The following KIAA1328 variants were observed in gnomAD, a reference collection of about 807,000 sequenced individuals.
KIAA1328 encodes protein hinderin.
In KIAA1328, 52 loss-of-function variants were observed where a neutral mutation model predicts 68.1. The ratio of observed to expected loss-of-function variants is 0.76; its 90% CI spans 0.61 to 0.96. The LOEUF is 0.96. Ranked by LOEUF, KIAA1328 falls within the 40% of genes least tolerant of loss-of-function variation. The pLI is 0.00. For synonymous variants in KIAA1328, 232 were observed against 239.4 expected, an observed-to-expected ratio of 0.97 and a Z score of 0.28; for missense variants, 641 against 677.6, an observed-to-expected ratio of 0.95 and a Z score of 0.60.
At chr18:37,106,970 G>A (rs577218486) in intron 7 of KIAA1328, among the ~76,000 whole-genome samples, 194 of 152,310 alleles carry the variant, frequency 1.3e-3, no homozygotes, top group Non-Finnish European at 2.3e-3. Flanking sequence ...TTGGCCAGGT[G>A]CAGTAGCTCA....
chr18:36,939,980 A>C (rs1471554791), intron 5 of KIAA1328, among the ~76,000 whole-genome samples: 1 of 150,388 alleles, frequency 6.6e-6, no homozygotes. Context: ...TTTATCTCAG[A>C]TATCTTTTGA....
Position 37,150,574 on chromosome 18 carries a change from G to GA in KIAA1328, c.1233-9615dup, listed in dbSNP as rs528123508. Among the ~76,000 whole-genome samples, 650 of 135,226 alleles carry GA rather than the reference G, an allele frequency of 4.8e-3. 21 individuals carry two copies. In the East Asian group the frequency reaches 0.091, roughly 19 times the overall value. 88.7% of individuals were successfully genotyped at this position (135,226 alleles called of 152,430 possible). A position where few individuals can be genotyped will look rare whatever the true frequency, so the allele number is the denominator to read the frequency against. ...ACATAAATTCATGGACACAAATGCA[G>GA]AAAAAAAAAAACCCCACAAAAAAAT... is the stretch of plus-strand genomic sequence containing the variant. On this transcript the variant is annotated intron_variant, in intron 7 of 9. Coordinates refer to ENST00000280020, the MANE Select transcript of KIAA1328 (RefSeq NM_020776.3).
chr18:36,849,618 C>A (rs1025105497), intron 4 of KIAA1328, among the ~76,000 whole-genome samples: 1 of 152,030 alleles, frequency 6.6e-6, no homozygotes, highest in African/African-American at 2.4e-5. Flanking sequence ...TTTATCCATT[C>A]ATACTTTGAT....
chr18:36,864,867 T>C (rs1220945647), intron 4 of KIAA1328, among the ~76,000 whole-genome samples: 1 of 152,054 alleles, frequency 6.6e-6, no homozygotes, highest in Non-Finnish European at 1.5e-5. Context: ...ATTGTTTCTT[T>C]TTTTAAAGCT....
intron 7 of KIAA1328, among the ~76,000 whole-genome samples, chr18:37,133,049 T>C (rs931642177): frequency 6.6e-6 from 1 of 152,056 alleles, no homozygotes; most frequent in Non-Finnish European, 1.5e-5. Flanking sequence ...AAACTAGCAA[T>C]GGTGGCCAGG....
rs1328341816 is a variant in KIAA1328, at chr18:37,066,906, G to T, written c.593G>T (p.Ser198Ile). Residue 198 changes from serine to isoleucine, a missense_variant, in exon 7 of 10, where the codon AGC becomes ATC. Transcript: ENST00000280020. ...MQEQQVSSRK[S>I]TLQCSSVELD... ...TCTTTCTAGGTATCCAGTAGAAAAA[G>T]CACTCTCCAGTGTTCATCTGTGGAA... 6.9e-6 allele frequency: 11 copies of T among 1,591,100 alleles called. No homozygotes were observed. Among genetic ancestry groups the T allele is most frequent in the Non-Finnish European group, 9.4e-6 (11 of 1,168,530 alleles).
At chr18:37,139,161 C>T (rs1399011058) in intron 7 of KIAA1328, among the ~76,000 whole-genome samples, 1 of 151,862 alleles carries the variant, frequency 6.6e-6, no homozygotes, top group Non-Finnish European at 1.5e-5. Flanking sequence ...GACGGGGTTT[C>T]ACCTTGTTAG....
chr18:37,058,421 TAAAC>T (rs927610584), intron 6 of KIAA1328, among the ~76,000 whole-genome samples: 5 of 151,980 alleles, frequency 3.3e-5, no homozygotes, highest in African/African-American at 4.8e-5. Flanking sequence ...ACTTAAAAAA[TAAAC>T]AAGTAGGCTG....
intron 5 of KIAA1328, among the ~76,000 whole-genome samples, chr18:36,918,181 A>C (rs2049781036): frequency 1.3e-5 from 2 of 151,404 alleles, no homozygotes; most frequent in Non-Finnish European, 2.9e-5. Flanking sequence ...CCTTTTTTGT[A>C]TCCAATCAGT....
intron 7 of KIAA1328, among the ~76,000 whole-genome samples, chr18:37,124,001 G>A (rs1212556441): frequency 6.6e-6 from 1 of 152,116 alleles, no homozygotes; most frequent in African/African-American, 2.4e-5. Context: ...ATTTAAGAGA[G>A]AGATTCTGTA....
rs530340618 is a variant in KIAA1328 at position 36,987,495 on chromosome 18, T to A, written c.576+28060T>A. 3.2e-3 allele frequency among the ~76,000 whole-genome samples: 193 copies of A among 60,732 alleles called. 2 individuals carry two copies. In the South Asian group the frequency reaches 0.096, roughly 30 times the overall value. 39.8% of individuals were successfully genotyped at this position (60,732 alleles called of 152,430 possible). On this transcript the variant is annotated intron_variant, in intron 6 of 9. Transcript: ENST00000280020. ...AAACTTAGAGTATAATAAAAAAAAA[T>A]AAATAAATAAATAAAAATAAAAAAA...
chr18:36,843,887 GT>G (rs1479992940), intron 3 of KIAA1328, among the ~76,000 whole-genome samples: 1 of 152,128 alleles, frequency 6.6e-6, no homozygotes, highest in African/African-American at 2.4e-5. Flanking sequence ...TGTAATAACA[GT>G]TCTCAGTATC....
At chr18:37,114,501 T>G (rs2058043023) in intron 7 of KIAA1328, among the ~76,000 whole-genome samples, 1 of 152,160 alleles carries the variant, frequency 6.6e-6, no homozygotes, top group Non-Finnish European at 1.5e-5. Context: ...CTGGGACACA[T>G]TTAAAGCAGT....
At chr18:37,063,051 T>A (rs997385377) in intron 6 of KIAA1328, among the ~76,000 whole-genome samples, 2 of 151,834 alleles carry the variant, frequency 1.3e-5, no homozygotes, top group African/African-American at 4.8e-5. Flanking sequence ...TTTTTTTTTT[T>A]TATACTTTAA....
chr18:36,964,849 G>A (rs2051848516), intron 6 of KIAA1328, among the ~76,000 whole-genome samples: 1 of 149,252 alleles, frequency 6.7e-6, no homozygotes, highest in South Asian at 2.1e-4. Context: ...TTTGGTCAAT[G>A]TACATTTTAT....
intron 7 of KIAA1328, among the ~76,000 whole-genome samples, chr18:37,128,655 T>C (rs989532445): frequency 6.6e-6 from 1 of 152,120 alleles, no homozygotes; most frequent in Admixed American, 6.5e-5. Flanking sequence ...CCTAGGTATT[T>C]CCCCAAGACA....
At chr18:37,167,221 C>CTGAA (rs1364642809) in intron 8 of KIAA1328, among the ~76,000 whole-genome samples, 1 of 152,130 alleles carries the variant, frequency 6.6e-6, no homozygotes, top group African/African-American at 2.4e-5. Context: ...TTTACAGCTC[C>CTGAA]TGAAGCCCCA....
At chr18:36,962,121 T>G (rs1035439108) in intron 6 of KIAA1328, among the ~76,000 whole-genome samples, 1 of 152,104 alleles carries the variant, frequency 6.6e-6, no homozygotes, top group African/African-American at 2.4e-5. Flanking sequence ...TGGAGGAAGA[T>G]CTACCAAGCA....
At chr18:37,162,714 A>G (rs1235210510) in intron 8 of KIAA1328, among the ~76,000 whole-genome samples, 1 of 152,120 alleles carries the variant, frequency 6.6e-6, no homozygotes, top group Non-Finnish European at 1.5e-5. Flanking sequence ...ATTTTTTAAT[A>G]TACTTTTCTT....
Sources: allele counts gnomAD v4.1 joint callset (sites outside exome capture counted in the v4.1 genomes callset), GRCh38; gene constraint gnomAD v4.1.1; transcripts MANE v1.5; gene names NCBI Gene and HGNC (gene_info 2026-07-23, HGNC 2026-07-21).